POC1A: variants seen among roughly 807,000 people sequenced by gnomAD.
The protein encoded by POC1A is POC1 centriolar protein A.
Under a neutral mutation model 47.8 loss-of-function variants are expected in POC1A, and 34 were observed. The observed-to-expected ratio is 0.71, with a 90% CI of 0.54 to 0.95. The LOEUF (loss-of-function observed/expected upper bound fraction) is 0.95. Ranked by LOEUF, POC1A falls within the 40% of genes least tolerant of loss-of-function variation. The pLI is 0.00. For synonymous variants in POC1A, 177 were observed against 207.6 expected, an observed-to-expected ratio of 0.85 and a Z score of 1.27; for missense variants, 466 against 528.3, an observed-to-expected ratio of 0.88 and a Z score of 1.16.
At chr3:52,139,489 G>A (rs1577908852) in intron 6 of POC1A, among the ~76,000 whole-genome samples, 1 of 152,222 alleles carries the variant, frequency 6.6e-6, no homozygotes, top group African/African-American at 2.4e-5. Flanking sequence ...AATGGGCCTG[G>A]GAGACTCTTG....
chr3:52,122,268 C>A, intron 9 of POC1A, 111 bp downstream of exon 9: 1 of 641,788 alleles, frequency 1.6e-6, no homozygotes, highest in East Asian at 2.7e-5. Context: ...GGGTCCCTTT[C>A]CCGAGACAGG....
rs191442638 is a variant in POC1A at position 52,112,141 on chromosome 3, C to T, written c.981+10238G>A. ...GGTTTAAAGGGCCCACGGGGCAGCA[C>T]TGGACTTTCTTTCTTGCTTTCCTTC... is the stretch of plus-strand genomic sequence containing the variant. On this transcript the variant is annotated intron_variant, in intron 9 of 10. Transcript: ENST00000296484. Among the ~76,000 whole-genome samples the T allele has an allele frequency of 4.6e-5, 7 of 152,306 alleles. No individual in the cohort carries two copies. In the East Asian group the frequency reaches 1.3e-3, roughly 29 times the overall value.
intron 10 of POC1A, among the ~76,000 whole-genome samples, chr3:52,076,743 T>C (rs1053974290): frequency 6.6e-6 from 1 of 152,266 alleles, no homozygotes; most frequent in African/African-American, 2.4e-5. Flanking sequence ...TCAGAGTGCT[T>C]GTCAGGCAGA....
intron 6 of POC1A, 117 bp downstream of exon 6, chr3:52,145,729 C>T: frequency 1.6e-6 from 1 of 643,620 alleles, no homozygotes; most frequent in Non-Finnish European, 2.7e-6. Flanking sequence ...ACCCAGGACA[C>T]CTTCCTGCCC....
chr3:52,117,703 T>A (rs565890475), intron 9 of POC1A, among the ~76,000 whole-genome samples: 1 of 152,122 alleles, frequency 6.6e-6, no homozygotes, highest in East Asian at 1.9e-4. Flanking sequence ...GGTTTTTTTT[T>A]CCTCCCGTTT....
chr3:52,141,033 C>G (rs991517421), intron 6 of POC1A, among the ~76,000 whole-genome samples: 1 of 152,226 alleles, frequency 6.6e-6, no homozygotes, highest in African/African-American at 2.4e-5. Flanking sequence ...TGGGTGGCAG[C>G]TGTGAGCTTG....
At chr3:52,124,369 G>T (rs990093286) in intron 8 of POC1A, among the ~76,000 whole-genome samples, 1 of 152,218 alleles carries the variant, frequency 6.6e-6, no homozygotes, top group Non-Finnish European at 1.5e-5. Context: ...CAGGAGACAG[G>T]TCATTGGTGG....
At chr3:52,086,356 A>C (rs1477037023) in intron 10 of POC1A, among the ~76,000 whole-genome samples, 1 of 152,220 alleles carries the variant, frequency 6.6e-6, no homozygotes, top group African/African-American at 2.4e-5. Flanking sequence ...TTCATTGCAG[A>C]GATGAAAAAT....
intron 10 of POC1A, among the ~76,000 whole-genome samples, chr3:52,085,505 A>G (rs527902031): frequency 6.6e-6 from 1 of 152,026 alleles, no homozygotes; most frequent in Non-Finnish European, 1.5e-5. Context: ...GCCCACCAAT[A>G]CTGCCTTCCC....
At position 52,149,248 on chromosome 3, in the gene POC1A, G is replaced by C. The variant is rs879868371; in HGVS notation, c.417C>G (p.Phe139Leu). 1.9e-6 allele frequency: 3 copies of C among 1,614,158 alleles called. No homozygotes were observed. Among genetic ancestry groups the C allele is most frequent in the Non-Finnish European group, 1.7e-6 (2 of 1,180,024 alleles). ...VWATHRQKFL[F>L]SLSQHINWVR... ...CCCAGTTGATATGCTGGCTCAGGGA[G>C]AACAGGAATTTCTGGCGATGAGTTG... Residue 139 changes from phenylalanine to leucine, a missense_variant, in exon 4 of 11, where the codon TTC becomes TTG. Phe to Leu is a conservative substitution (Grantham distance 22, BLOSUM62 0). Transcript: ENST00000296484.
intron 9 of POC1A, among the ~76,000 whole-genome samples, chr3:52,118,992 TA>T (rs1703670360): frequency 1.3e-5 from 2 of 149,996 alleles, no homozygotes; most frequent in Non-Finnish European, 2.9e-5. Context: ...AAGTAGTTGC[TA>T]AAGGCAAAAG....
chr3:52,146,950 G>C (rs371124085), intron 5 of POC1A, 38 bp downstream of exon 5: 8 of 1,532,382 alleles, frequency 5.2e-6, no homozygotes, highest in Non-Finnish European at 7.2e-6. Flanking sequence ...CTCTGTGCTT[G>C]AGCGCCTACA....
intron 9 of POC1A, among the ~76,000 whole-genome samples, chr3:52,107,056 GGAA>G (rs1703210246): frequency 6.6e-6 from 1 of 152,244 alleles, no homozygotes; most frequent in Admixed American, 6.5e-5. Context: ...AGGGAAGCCA[GGAA>G]GAAGAGAGCG....
chr3:52,149,132 G>C, intron 4 of POC1A, 78 bp downstream of exon 4: 1 of 1,281,884 alleles, frequency 7.8e-7, no homozygotes, highest in Non-Finnish European at 1.1e-6. Context: ...GAGGTCATAA[G>C]TTGGTACCTA....
intron 9 of POC1A, among the ~76,000 whole-genome samples, chr3:52,103,416 T>C (rs1048095638): frequency 6.6e-6 from 1 of 152,058 alleles, no homozygotes; most frequent in Non-Finnish European, 1.5e-5. Context: ...ATCCCACCTA[T>C]TAGGGAGGCT....
intron 7 of POC1A, among the ~76,000 whole-genome samples, chr3:52,125,404 G>A (rs918347502): frequency 2.0e-5 from 3 of 152,204 alleles, no homozygotes; most frequent in Non-Finnish European, 2.9e-5. Flanking sequence ...ACAGGGACAA[G>A]TCCAGGCTAT....
chr3:52,088,737 T>C (rs1027573611), intron 10 of POC1A, among the ~76,000 whole-genome samples: 9 of 151,904 alleles, frequency 5.9e-5, no homozygotes, highest in African/African-American at 9.7e-5. Context: ...GAGCAAATCA[T>C]GTGGAGTCCC....
At chr3:52,143,119 A>T (rs923114994) in intron 6 of POC1A, among the ~76,000 whole-genome samples, 1 of 150,164 alleles carries the variant, frequency 6.7e-6, no homozygotes, top group Non-Finnish European at 1.5e-5. Context: ...TAAGCCTCCA[A>T]TCTACACTAG....
intron 9 of POC1A, among the ~76,000 whole-genome samples, chr3:52,112,561 G>C (rs1703421910): frequency 6.6e-6 from 1 of 152,136 alleles, no homozygotes; most frequent in Non-Finnish European, 1.5e-5. Context: ...AGAATTGTTT[G>C]AACTCCGGAG....
Sources: gnomAD v4.1 joint callset for allele counts (sites outside exome capture counted in the v4.1 genomes callset) on GRCh38, gnomAD v4.1.1 for gene constraint, MANE v1.5 for transcripts, NCBI Gene and HGNC (gene_info 2026-07-23, HGNC 2026-07-21) for gene names.